USP10: variants seen among roughly 807,000 people sequenced by gnomAD.
USP10 encodes ubiquitin specific peptidase 10, also known as ubiquitin carboxyl-terminal hydrolase 10.
USP10 carries 22 observed loss-of-function variants against 84.5 expected under a neutral mutation model. The ratio of observed to expected loss-of-function variants is 0.26; its 90% CI spans 0.19 to 0.37. USP10 has a LOEUF of 0.37. USP10 is among the 10% of genes least tolerant of loss of function. The pLI, the probability that USP10 is intolerant of heterozygous loss-of-function variation, is 1.00. For missense variants in USP10, 1,019 were observed against 998.9 expected (o/e 1.02, Z -0.27); for synonymous variants, 454 against 387.6 (o/e 1.17, Z -2.01).
chr16:84,745,734 T>C, intron 4 of USP10, 61 bp downstream of exon 4: 1 of 1,508,286 alleles, frequency 6.6e-7, no homozygotes, highest in Admixed American at 2.0e-5. Context: ...CAACTGGGCT[T>C]ATAGACTGTG....
chr16:84,767,660 G>C (rs1030700961), intron 10 of USP10, among the ~76,000 whole-genome samples: 3 of 152,202 alleles, frequency 2.0e-5, no homozygotes, highest in Non-Finnish European at 1.5e-5. Context: ...GGAAGTGAAA[G>C]AATTTGGAAA....
chr16:84,716,698 G>A (rs1389660905), intron 1 of USP10, among the ~76,000 whole-genome samples: 1 of 152,162 alleles, frequency 6.6e-6, no homozygotes, highest in Non-Finnish European at 1.5e-5. Context: ...AATAAATGCA[G>A]AGTTACTGGG....
intron 11 of USP10, among the ~76,000 whole-genome samples, chr16:84,770,932 G>A (rs1056680924): frequency 3.3e-5 from 5 of 152,066 alleles, no homozygotes; most frequent in Non-Finnish European, 5.9e-5. Flanking sequence ...TGGGCATGGT[G>A]GTGTGCACAT....
At chr16:84,727,059 G>T (rs2150787984) in intron 1 of USP10, among the ~76,000 whole-genome samples, 1 of 152,348 alleles carries the variant, frequency 6.6e-6, no homozygotes, top group Non-Finnish European at 1.5e-5. Flanking sequence ...TGGCATGGCT[G>T]ACAGGGCCTC....
intron 1 of USP10, among the ~76,000 whole-genome samples, chr16:84,726,771 C>T (rs1908540234): frequency 6.6e-6 from 1 of 152,226 alleles, no homozygotes; most frequent in African/African-American, 2.4e-5. Flanking sequence ...GTCTTACTTC[C>T]CCTAAAAAGG....
At chr16:84,710,283 A>C (rs186880746) in intron 1 of USP10, among the ~76,000 whole-genome samples, 26 of 152,156 alleles carry the variant, frequency 1.7e-4, no homozygotes, top group African/African-American at 6.0e-4. Flanking sequence ...AAAAAAAAAA[A>C]AAAAGATTGC....
intron 1 of USP10, among the ~76,000 whole-genome samples, chr16:84,709,556 A>G (rs1906003231): frequency 1.3e-5 from 2 of 152,162 alleles, no homozygotes; most frequent in African/African-American, 4.8e-5. Flanking sequence ...AGTGAAGAAT[A>G]GACTCACGGG....
At chr16:84,713,519 C>T (rs931683912) in intron 1 of USP10, among the ~76,000 whole-genome samples, 4 of 152,128 alleles carry the variant, frequency 2.6e-5, no homozygotes, top group Non-Finnish European at 5.9e-5. Flanking sequence ...AATGTAAGCT[C>T]CTTGAGGCCC....
intron 1 of USP10, among the ~76,000 whole-genome samples, chr16:84,701,820 C>G (rs564400632): frequency 1.3e-5 from 2 of 151,968 alleles, no homozygotes; most frequent in African/African-American, 2.4e-5. Context: ...GTTGGCGGAA[C>G]GTAAATGTTA....
At chr16:84,726,935 G>A (rs58517537) in intron 1 of USP10, among the ~76,000 whole-genome samples, 2,668 of 152,298 alleles carry the variant, frequency 0.018, 83 homozygotes, top group African/African-American at 0.061. Flanking sequence ...CCAGTGTTCT[G>A]ACTCTGGCAG....
At chr16:84,704,648 A>G (rs1905251471) in intron 1 of USP10, 3 of 1,419,708 alleles carry the variant, frequency 2.1e-6, no homozygotes, top group Middle Eastern at 3.9e-4. Flanking sequence ...TGTTTCAAGG[A>G]TCAGAAAATG....
At chr16:84,754,297 A>G (rs1373352872) in intron 4 of USP10, among the ~76,000 whole-genome samples, 4 of 152,100 alleles carry the variant, frequency 2.6e-5, no homozygotes, top group South Asian at 2.1e-4. Context: ...ACTAGATAAA[A>G]TTTTTCTACA....
chr16:84,772,860 A>C (rs1375600416), intron 12 of USP10, among the ~76,000 whole-genome samples, 175 bp downstream of exon 12: 2 of 152,172 alleles, frequency 1.3e-5, no homozygotes, highest in Non-Finnish European at 2.9e-5. Flanking sequence ...TCTCATGAAA[A>C]TGGCCTGTTG....
intron 5 of USP10, 28 bp from the exon 6 acceptor site, chr16:84,759,334 CT>C: frequency 6.2e-7 from 1 of 1,603,068 alleles, no homozygotes; most frequent in Non-Finnish European, 8.5e-7. Context: ...TGTTCATTTC[CT>C]TTACGCTTCC....
At chr16:84,754,525 C>T (rs976304855) in intron 4 of USP10, among the ~76,000 whole-genome samples, 1 of 152,170 alleles carries the variant, frequency 6.6e-6, no homozygotes, top group Non-Finnish European at 1.5e-5. Context: ...TGCTCGTTCG[C>T]TTTTGTAGGT....
intron 5 of USP10, 169 bp from the exon 6 acceptor site, chr16:84,759,194 A>G (rs1912916888): frequency 1.1e-5 from 7 of 660,768 alleles, no homozygotes; most frequent in Admixed American, 2.4e-5. Flanking sequence ...ATCACAGGAC[A>G]CTTACCCTAG....
At chr16:84,706,025 C>G (rs966771398) in intron 1 of USP10, among the ~76,000 whole-genome samples, 2 of 152,054 alleles carry the variant, frequency 1.3e-5, no homozygotes, top group Non-Finnish European at 2.9e-5. Flanking sequence ...CCCAGCATCC[C>G]TACTCATTCT....
At chr16:84,708,117 C>A (rs1905785486) in intron 1 of USP10, among the ~76,000 whole-genome samples, 1 of 151,572 alleles carries the variant, frequency 6.6e-6, no homozygotes, top group Non-Finnish European at 1.5e-5. Flanking sequence ...AGACTTCCAC[C>A]CCCTTAGTAG....
Position 84,700,260 on chromosome 16 carries a change from C to G in USP10, c.21+149C>G, listed in dbSNP as rs1043278798. On this transcript the variant is annotated intron_variant, in intron 1 of 13. Coordinates refer to ENST00000219473, the MANE Select transcript of USP10 (RefSeq NM_005153.3). The stretch of plus-strand genomic sequence containing the variant: ...CACGCTGCCCGGGCCTAGGCCGGAG[C>G]CACCCGCCGCCTCCGCGCCCGCCGC... 5.0e-6 allele frequency: 3 copies of G among 604,718 alleles called. No individual in the cohort carries two copies. In the African/African-American group the frequency reaches 6.0e-5, roughly 12 times the overall value. 37.5% of individuals were successfully genotyped at this position (604,718 alleles called of 1,614,324 possible).
Sources: allele counts gnomAD v4.1 joint callset (sites outside exome capture counted in the v4.1 genomes callset), GRCh38; gene constraint gnomAD v4.1.1; transcripts MANE v1.5; gene names NCBI Gene and HGNC (gene_info 2026-07-23, HGNC 2026-07-21).